The following TRPC4 variants were observed in gnomAD, a reference collection of about 807,000 sequenced individuals.
TRPC4 encodes the protein short transient receptor potential channel 4.
TRPC4 carries 49 observed loss-of-function variants against 99.4 expected under a neutral mutation model. That is an observed-to-expected ratio of 0.49 (90% CI 0.39 to 0.63). The LOEUF (loss-of-function observed/expected upper bound fraction) is 0.63, where lower values mean the gene tolerates loss of function less well. Among genes scored for constraint, TRPC4 ranks in the 20% least tolerant of loss-of-function variants. The pLI is 0.00. For synonymous variants in TRPC4, 454 were observed against 425.9 expected (o/e 1.07, Z -0.81); for missense variants, 898 against 1,152.9 (o/e 0.78, Z 3.20).
chr13:37,683,149 C>G (rs1953312349), intron 4 of TRPC4, among the ~76,000 whole-genome samples: 1 of 151,922 alleles, frequency 6.6e-6, no homozygotes, highest in Admixed American at 6.6e-5. Flanking sequence ...CTCCCTAAGT[C>G]AAGTCTAAGG....
At chr13:37,678,544 A>C (rs9576335) in intron 4 of TRPC4, among the ~76,000 whole-genome samples, 51,716 of 151,764 alleles carry the variant, frequency 0.34, 9,172 homozygotes, top group African/African-American at 0.37. Flanking sequence ...AAACTTTAAA[A>C]CTCACTCAAG....
intron 1 of TRPC4, among the ~76,000 whole-genome samples, chr13:37,848,705 T>C (rs1958977012): frequency 6.6e-6 from 1 of 152,070 alleles, no homozygotes; most frequent in South Asian, 2.1e-4. Context: ...CAAGAACAAC[T>C]TCAAGCAGAC....
chr13:37,822,667 T>G (rs902470551), intron 1 of TRPC4, among the ~76,000 whole-genome samples: 3 of 152,074 alleles, frequency 2.0e-5, no homozygotes, highest in Non-Finnish European at 4.4e-5. Flanking sequence ...ATCCAGTCTA[T>G]CATTGTTGGA....
chr13:37,646,396 A>C (rs1484885630), intron 8 of TRPC4, among the ~76,000 whole-genome samples: 2 of 152,214 alleles, frequency 1.3e-5, no homozygotes, highest in Non-Finnish European at 2.9e-5. Context: ...ATATAAATGT[A>C]AACATTTCAT....
chr13:37,661,759 C>A (rs187731012), intron 6 of TRPC4, among the ~76,000 whole-genome samples: 1 of 148,186 alleles, frequency 6.7e-6, no homozygotes, highest in Non-Finnish European at 1.5e-5. Context: ...ATCTCTAATC[C>A]GTTTCCCTGG....
chr13:37,742,449 T>C (rs1955620422), intron 3 of TRPC4, among the ~76,000 whole-genome samples: 2 of 152,172 alleles, frequency 1.3e-5, no homozygotes, highest in African/African-American at 4.8e-5. Flanking sequence ...GGCTACAGTA[T>C]GACTGGTGAG....
intron 1 of TRPC4, among the ~76,000 whole-genome samples, chr13:37,830,280 T>C (rs1958380914): frequency 6.6e-6 from 1 of 151,962 alleles, no homozygotes; most frequent in Admixed American, 6.6e-5. Context: ...GGAAGTTTTT[T>C]ACACAGAAAA....
At chr13:37,839,492 AC>A (rs1227294980) in intron 1 of TRPC4, among the ~76,000 whole-genome samples, 4 of 152,316 alleles carry the variant, frequency 2.6e-5, no homozygotes, top group East Asian at 3.9e-4. Flanking sequence ...CAATTTGGAA[AC>A]CACCTGAGAG....
intron 1 of TRPC4, among the ~76,000 whole-genome samples, chr13:37,795,977 T>A (rs74047181): frequency 0.012 from 1,871 of 152,192 alleles, 43 homozygotes; most frequent in African/African-American, 0.043. Flanking sequence ...ATATTAGCAA[T>A]GAAAATGCTG....
intron 1 of TRPC4, among the ~76,000 whole-genome samples, chr13:37,793,493 C>T (rs1471906894): frequency 1.4e-5 from 2 of 145,144 alleles, no homozygotes; most frequent in African/African-American, 5.2e-5. Context: ...AATTAAAATA[C>T]AAAATAACTA....
At chr13:37,711,633 A>C (rs1474939022) in intron 3 of TRPC4, among the ~76,000 whole-genome samples, 2 of 152,064 alleles carry the variant, frequency 1.3e-5, no homozygotes, top group African/African-American at 4.8e-5. Context: ...CTAAGAAAAA[A>C]ATACAGTAAT....
At chr13:37,832,200 A>C (rs1181928927) in intron 1 of TRPC4, among the ~76,000 whole-genome samples, 2 of 152,168 alleles carry the variant, frequency 1.3e-5, no homozygotes, top group Non-Finnish European at 2.9e-5. Flanking sequence ...TTTTTAAATG[A>C]CACGATATTG....
At chr13:37,728,649 C>T (rs1485257692) in intron 3 of TRPC4, among the ~76,000 whole-genome samples, 1 of 151,978 alleles carries the variant, frequency 6.6e-6, no homozygotes, top group Non-Finnish European at 1.5e-5. Flanking sequence ...ATACAAAGCC[C>T]AGTGATATTT....
At chr13:37,749,404 A>G (rs1332684944) in intron 2 of TRPC4, among the ~76,000 whole-genome samples, 4 of 152,110 alleles carry the variant, frequency 2.6e-5, no homozygotes, top group African/African-American at 4.8e-5. Flanking sequence ...CTTTACCATT[A>G]ATTGCCTGGC....
chr13:37,823,397 G>T, intron 1 of TRPC4, among the ~76,000 whole-genome samples: 1 of 147,228 alleles, frequency 6.8e-6, no homozygotes, highest in African/African-American at 2.5e-5. Context: ...GGGTTTTTAT[G>T]GTTTTAGGTC....
intron 3 of TRPC4, among the ~76,000 whole-genome samples, chr13:37,715,853 C>T (rs150959923): frequency 3.9e-5 from 6 of 152,262 alleles, no homozygotes; most frequent in African/African-American, 1.4e-4. Context: ...TCTCTCTCCT[C>T]TTGTAACTGT....
chr13:37,822,861 T>G (rs1320895830), intron 1 of TRPC4, among the ~76,000 whole-genome samples: 14 of 151,126 alleles, frequency 9.3e-5, no homozygotes, highest in East Asian at 4.0e-4. Context: ...CTTCCACAAT[T>G]GTTGAACTAG....
At chr13:37,744,010 C>T (rs1419161031) in intron 3 of TRPC4, among the ~76,000 whole-genome samples, 2 of 152,148 alleles carry the variant, frequency 1.3e-5, no homozygotes, top group Admixed American at 6.6e-5. Context: ...GTGAGCAGAG[C>T]AGGCTGCTTC....
intron 1 of TRPC4, among the ~76,000 whole-genome samples, chr13:37,860,653 A>G (rs1386111505): frequency 1.3e-5 from 2 of 151,394 alleles, no homozygotes; most frequent in African/African-American, 4.8e-5. Flanking sequence ...TCTTACCACA[A>G]TTTTATAAAT....
Sources: gnomAD v4.1 joint callset for allele counts (sites outside exome capture counted in the v4.1 genomes callset) on GRCh38, gnomAD v4.1.1 for gene constraint, MANE v1.5 for transcripts, NCBI Gene and HGNC (gene_info 2026-07-23, HGNC 2026-07-21) for gene names.